The following WDR76 variants were observed in gnomAD, a reference collection of about 807,000 sequenced individuals.
WDR76 encodes the protein WD repeat-containing protein 76.
A neutral mutation model predicts 70.2 loss-of-function variants in WDR76; 52 were observed. The observed-to-expected ratio is 0.74, with a 90% CI of 0.59 to 0.93. The LOEUF (loss-of-function observed/expected upper bound fraction) is 0.93. Among genes scored for constraint, WDR76 ranks in the 40% least tolerant of loss-of-function variants. The pLI is 0.00. For synonymous variants in WDR76, 292 were observed against 271.1 expected, an observed-to-expected ratio of 1.08 and a Z score of -0.76; for missense variants, 756 against 760.2, an observed-to-expected ratio of 0.99 and a Z score of 0.07.
At chr15:43,858,636 T>A in intron 10 of WDR76, 35 bp from the exon 11 acceptor site, 1 of 1,608,156 alleles carries the variant, frequency 6.2e-7, no homozygotes, top group Middle Eastern at 1.7e-4. Flanking sequence ...TTACATGTAC[T>A]ATGGCAACAT....
At chr15:43,862,097 A>G (rs146113975) in intron 12 of WDR76, among the ~76,000 whole-genome samples, 47 of 151,892 alleles carry the variant, frequency 3.1e-4, no homozygotes, top group African/African-American at 1.1e-3. Flanking sequence ...CGGCCTCCCA[A>G]AGTGCTGGGA....
intron 8 of WDR76, among the ~76,000 whole-genome samples, chr15:43,844,528 G>C (rs185737619): frequency 6.6e-6 from 1 of 151,564 alleles, no homozygotes; most frequent in East Asian, 1.9e-4. Context: ...GCTGAGGCAG[G>C]AGAATTGCTT....
At chr15:43,848,992 T>C (rs2087823157) in intron 8 of WDR76, among the ~76,000 whole-genome samples, 1 of 146,800 alleles carries the variant, frequency 6.8e-6, no homozygotes, top group South Asian at 2.2e-4. Context: ...TGTCTCAACA[T>C]GGTGAAACCC....
intron 2 of WDR76, among the ~76,000 whole-genome samples, chr15:43,828,808 A>G (rs915731952): frequency 6.6e-6 from 1 of 152,226 alleles, no homozygotes; most frequent in African/African-American, 2.4e-5. Flanking sequence ...CTTTAAATGC[A>G]AAACGAGACA....
chr15:43,857,394 GT>G, intron 10 of WDR76: 1 of 908,814 alleles, frequency 1.1e-6, no homozygotes. Context: ...AGAAATTTTT[GT>G]TTTCCTTGGC....
intron 4 of WDR76, among the ~76,000 whole-genome samples, chr15:43,837,810 AC>A (rs941629586): frequency 4.8e-4 from 72 of 150,476 alleles, no homozygotes; most frequent in African/African-American, 1.7e-3. Flanking sequence ...GCCCATATAT[AC>A]CCCTCCCTCC....
In WDR76 at chr15:43,851,242, A is replaced by G; in HGVS notation, c.1188A>G (p.Glu396=). The G allele has an allele frequency of 6.2e-7, 1 of 1,614,028 alleles. No homozygotes were observed. Among genetic ancestry groups the G allele is most frequent in the Non-Finnish European group, 8.5e-7 (1 of 1,179,988 alleles). ...GGGATTTTTCCAGGGCTATTTTTGA[A>G]GAGGTAAATGTTAATGTGTTTACAT... ...RCGDFSRAIF[E]EVYRNERSSF... The change falls in exon 9 of 13, where the codon GAA becomes GAG. Residue 396 remains glutamate (E), a synonymous_variant. Transcript: ENST00000263795.
intron 3 of WDR76, among the ~76,000 whole-genome samples, chr15:43,835,372 C>T (rs975557302): frequency 1.2e-4 from 17 of 145,174 alleles, no homozygotes; most frequent in African/African-American, 4.3e-4. Context: ...GTCTGGAGTC[C>T]TAGCTACTGG....
chr15:43,849,884 A>G, intron 8 of WDR76, among the ~76,000 whole-genome samples: 1 of 152,134 alleles, frequency 6.6e-6, no homozygotes, highest in East Asian at 1.9e-4. Flanking sequence ...GCATTGTTTG[A>G]GTTCTTTATA....
intron 5 of WDR76, among the ~76,000 whole-genome samples, chr15:43,840,167 C>A (rs1028814003): frequency 6.6e-6 from 1 of 152,024 alleles, no homozygotes; most frequent in African/African-American, 2.4e-5. Flanking sequence ...CCCATTTGTA[C>A]GCTTTAATGA....
In WDR76 at chr15:43,856,946, G is replaced by T; in HGVS notation, c.1192G>T (p.Val398Leu). ...GDFSRAIFEE[V>L]YRNERSSFSS... ...AGCTGATTGTTACTTATATTCTTAG[G>T]TGTATAGAAATGAAAGAAGTAGCTT... The change falls in exon 10 of 13, where the codon GTG becomes TTG. Residue 398 changes from valine to leucine, a missense_variant and splice_region_variant. Physicochemically the swap from Val to Leu is conservative, Grantham distance 32. Coordinates refer to ENST00000263795, the MANE Select transcript of WDR76 (RefSeq NM_024908.4). 1 of 1,612,738 alleles carries T rather than the reference G, an allele frequency of 6.2e-7. No homozygotes were observed. Among genetic ancestry groups the T allele is most frequent in the Non-Finnish European group, 8.5e-7 (1 of 1,179,112 alleles).
At chr15:43,831,842 T>G (rs887451190) in intron 2 of WDR76, among the ~76,000 whole-genome samples, 7 of 145,996 alleles carry the variant, frequency 4.8e-5, no homozygotes, top group African/African-American at 1.5e-4. Context: ...AATTTTTTTG[T>G]TTTTTTTTTT....
intron 8 of WDR76, among the ~76,000 whole-genome samples, chr15:43,849,570 G>A (rs1248447063): frequency 6.6e-6 from 1 of 151,716 alleles, no homozygotes; most frequent in Non-Finnish European, 1.5e-5. Flanking sequence ...ACGGAGTCTC[G>A]CTTTGTCGCC....
chr15:43,836,383 T>A (rs1305455679), intron 4 of WDR76, among the ~76,000 whole-genome samples, 167 bp downstream of exon 4: 1 of 152,186 alleles, frequency 6.6e-6, no homozygotes, highest in Non-Finnish European at 1.5e-5. Context: ...ACTTTACAAT[T>A]CTCATCTTCA....
At chr15:43,837,174 A>G (rs2087667783) in intron 4 of WDR76, among the ~76,000 whole-genome samples, 1 of 152,072 alleles carries the variant, frequency 6.6e-6, no homozygotes, top group South Asian at 2.1e-4. Context: ...CAGTGCTTAC[A>G]TATAAATGAA....
intron 2 of WDR76, among the ~76,000 whole-genome samples, chr15:43,832,790 C>T (rs1172420932): frequency 2.6e-5 from 3 of 113,436 alleles, no homozygotes; most frequent in South Asian, 3.1e-4. Flanking sequence ...TCGGCTCTTG[C>T]CCTGGCAGCT....
chr15:43,856,984 C>G lies in WDR76; in HGVS notation c.1230C>G (p.Asp410Glu), dbSNP rs1567191691. The stretch of plus-strand genomic sequence containing the variant: ...AAAGAAGTAGCTTTTCCTCCTTCGA[C>G]TTCTTGGCAGAAGATGCCTCCACTT... ...RNERSSFSSF[D>E]FLAEDASTLI... is the part of the protein sequence containing the mutation. Residue 410 changes from aspartate (D) to glutamate (E), a missense_variant, in exon 10 of 13, where the codon GAC becomes GAG. Physicochemically the swap from Asp to Glu is conservative, Grantham distance 45. Transcript: ENST00000263795. The G allele has an allele frequency of 6.2e-7, 1 of 1,614,072 alleles. No homozygotes were observed. Among genetic ancestry groups the G allele is most frequent in the Non-Finnish European group, 8.5e-7 (1 of 1,179,994 alleles).
chr15:43,827,892 G>A (rs921929191), intron 1 of WDR76, 73 bp from the exon 2 acceptor site: 2 of 1,408,706 alleles, frequency 1.4e-6, no homozygotes, highest in Admixed American at 5.2e-5. Flanking sequence ...TATTAGATCT[G>A]TTAGGGATCC....
chr15:43,843,820 T>C, intron 7 of WDR76, 81 bp from the exon 8 acceptor site: 1 of 1,260,532 alleles, frequency 7.9e-7, no homozygotes, highest in Non-Finnish European at 1.1e-6. Context: ...AATTGTGATT[T>C]TTCTTTTTGA....
Sources: gnomAD v4.1 joint callset for allele counts (sites outside exome capture counted in the v4.1 genomes callset) on GRCh38, gnomAD v4.1.1 for gene constraint, MANE v1.5 for transcripts, NCBI Gene and HGNC (gene_info 2026-07-23, HGNC 2026-07-21) for gene names.